Variants in CAT observed in about 807,000 individuals in gnomAD.
The protein encoded by CAT is epididymis secretory sperm binding protein.
In CAT, 43 loss-of-function variants were observed where a neutral mutation model predicts 59.0. That is an observed-to-expected ratio of 0.73 (90% CI 0.57 to 0.94). The LOEUF (loss-of-function observed/expected upper bound fraction) is 0.94, where lower values mean the gene tolerates loss of function less well. CAT is among the 40% of genes least tolerant of loss of function. CAT has a pLI of 0.00. For synonymous variants in CAT, 218 were observed against 230.9 expected (o/e 0.94, Z 0.51); for missense variants, 664 against 682.9 (o/e 0.97, Z 0.31).
chr11:34,440,132 T>G (rs1203286514), intron 1 of CAT, among the ~76,000 whole-genome samples: 2 of 152,216 alleles, frequency 1.3e-5, no homozygotes. Flanking sequence ...GACAGAGGAC[T>G]GCAGCCCTGT....
intron 6 of CAT, 103 bp downstream of exon 6, chr11:34,454,029 T>C: frequency 8.0e-7 from 1 of 1,243,050 alleles, no homozygotes; most frequent in African/African-American, 1.5e-5. Context: ...CACTTTTCCC[T>C]CACCTCCATC....
chr11:34,470,698 TTTCTTGCGCATTTCGGCAGAGGGAC>T, intron 11 of CAT: 1 of 500,540 alleles, frequency 2.0e-6, no homozygotes, highest in Non-Finnish European at 3.7e-6. Flanking sequence ...TAGGTGTCAT[TTTCTTGCGCATTTCGGCAGAGGGAC>T]ATAAGCTCAG....
intron 7 of CAT, 60 bp from the exon 8 acceptor site, chr11:34,456,605 G>A: frequency 4.7e-6 from 7 of 1,487,920 alleles, no homozygotes; most frequent in Non-Finnish European, 5.6e-6. Context: ...TATTTTTGTG[G>A]GTAGCTTTGA....
chr11:34,460,434 G>T (rs1268395488), intron 8 of CAT, among the ~76,000 whole-genome samples: 2 of 150,280 alleles, frequency 1.3e-5, no homozygotes, highest in Non-Finnish European at 3.0e-5. Flanking sequence ...GGCAGCATGG[G>T]AGTGGGCGGT....
chr11:34,454,343 A>G (rs1188776263), intron 6 of CAT, among the ~76,000 whole-genome samples: 1 of 152,222 alleles, frequency 6.6e-6, no homozygotes. Flanking sequence ...GGTTTTGAGA[A>G]TGTTTTAATC....
rs537428135 is a variant in CAT at position 34,468,353 on chromosome 11, C to T, written c.1392C>T (p.Ala464=). The T allele has an allele frequency of 2.2e-5, 35 of 1,613,982 alleles. No individual in the cohort carries two copies. Among genetic ancestry groups the T allele is most frequent in the Non-Finnish European group, 2.5e-5 (29 of 1,179,960 alleles). The change falls in exon 11 of 13, where the codon GCC becomes GCT. Residue 464 remains alanine, a synonymous_variant. Coordinates refer to ENST00000241052, the MANE Select transcript of CAT (RefSeq NM_001752.4). ...EQRKRLCENI[A]GHLKDAQIFI... ...GGAAACGTCTGTGTGAGAACATTGC[C>T]GGCCACCTGAAGGATGCACAAATTT... is the stretch of plus-strand genomic sequence containing the variant.
chr11:34,465,451 C>T (rs17883483), intron 10 of CAT, among the ~76,000 whole-genome samples: 1 of 152,122 alleles, frequency 6.6e-6, no homozygotes, highest in African/African-American at 2.4e-5. Flanking sequence ...ATGCAGATGA[C>T]ACCAAGTATA....
intron 1 of CAT, among the ~76,000 whole-genome samples, chr11:34,441,235 A>G (rs1382080796): frequency 6.6e-6 from 1 of 152,248 alleles, no homozygotes; most frequent in Non-Finnish European, 1.5e-5. Flanking sequence ...TTTAAATGAA[A>G]AATTTCAAAT....
intron 1 of CAT, among the ~76,000 whole-genome samples, chr11:34,440,888 C>G (rs1041762490): frequency 6.6e-6 from 1 of 152,192 alleles, no homozygotes; most frequent in Non-Finnish European, 1.5e-5. Flanking sequence ...CTGAGACTAG[C>G]TGCCTTCTTC....
At chr11:34,461,230 C>G (rs1856646016) in intron 8 of CAT, 21 bp from the exon 9 acceptor site, 1 of 1,613,522 alleles carries the variant, frequency 6.2e-7, no homozygotes, top group Admixed American at 1.7e-5. Context: ...TAGTCAGTGT[C>G]TATTGTATTT....
intron 3 of CAT, among the ~76,000 whole-genome samples, 179 bp downstream of exon 3, chr11:34,451,277 TTG>T (rs1856521287): frequency 6.6e-6 from 1 of 152,260 alleles, no homozygotes; most frequent in Non-Finnish European, 1.5e-5. Context: ...GTATTTCTGT[TTG>T]TTGAGGTCTT....
intron 9 of CAT, among the ~76,000 whole-genome samples, chr11:34,461,648 TAA>T (rs1856653471): frequency 6.6e-6 from 1 of 152,228 alleles, no homozygotes; most frequent in African/African-American, 2.4e-5. Context: ...ATCCAGTAGT[TAA>T]AAGCAGGGAG....
chr11:34,470,815 G>C, intron 11 of CAT, 143 bp from the exon 12 acceptor site: 2 of 772,464 alleles, frequency 2.6e-6, no homozygotes, highest in Admixed American at 3.4e-5. Context: ...TCTGAGGCTG[G>C]CATTGTTAAA....
chr11:34,471,137 C>T, intron 12 of CAT, 96 bp downstream of exon 12: 1 of 1,030,768 alleles, frequency 9.7e-7, no homozygotes, highest in East Asian at 2.4e-5. Context: ...CTGCAGGGGC[C>T]ATTACCTGCC....
rs769046135 is a variant in CAT at position 34,461,407 on chromosome 11, G to A, written c.1195+18G>A. ...CAATCAGGGTAGGCCTAAAGACGTTGGGCTCCCCCTGCGTGGGCAGAGGGC... is the reference window on the plus strand; with the variant it reads ...CAATCAGGGTAGGCCTAAAGACGTTAGGCTCCCCCTGCGTGGGCAGAGGGC... On this transcript the variant is annotated intron_variant, in intron 9 of 12. Coordinates refer to ENST00000241052, the MANE Select transcript of CAT (RefSeq NM_001752.4). 6 of 1,614,088 alleles carry A rather than the reference G, an allele frequency of 3.7e-6. No individual in the cohort carries two copies. In the South Asian group the frequency reaches 6.6e-5, roughly 18 times the overall value.
Position 34,471,452 on chromosome 11 carries a change from G to T in CAT, c.*19G>T. The T allele has an allele frequency of 6.2e-7, 1 of 1,609,760 alleles. No individual in the cohort carries two copies. The highest frequency in any genetic ancestry group is 8.5e-7 in the Non-Finnish European group (1 of 1,176,032). ...TCTGTGAGGCCGGGGCCCTGCACCTGTGCAGCGAAGCTTAGCGTTCATCCG... is the reference window on the plus strand; with the variant it reads ...TCTGTGAGGCCGGGGCCCTGCACCTTTGCAGCGAAGCTTAGCGTTCATCCG... On this transcript the variant is annotated 3_prime_UTR_variant, in exon 13 of 13. Transcript: ENST00000241052.
chr11:34,446,322 G>A lies in CAT; in HGVS notation c.67-2870G>A, dbSNP rs573702125. ...ACAATTGATCTAACTGTTAGAGTGG[G>A]GAAATGGAAGAGATTCTGAAGCCTC... On this transcript the variant is annotated intron_variant, in intron 1 of 12. Transcript: ENST00000241052. Among the ~76,000 whole-genome samples, 8 of 152,238 alleles carry A rather than the reference G, an allele frequency of 5.3e-5. No individual in the cohort carries two copies. The South Asian group carries it at 1.7e-3, about 32-fold the overall frequency.
intron 10 of CAT, among the ~76,000 whole-genome samples, chr11:34,465,469 A>G (rs931648754): frequency 2.0e-5 from 3 of 152,232 alleles, no homozygotes; most frequent in Non-Finnish European, 2.9e-5. Flanking sequence ...ATATTACAGT[A>G]CATTCCCTGC....
chr11:34,444,504 G>C (rs568915122), intron 1 of CAT, among the ~76,000 whole-genome samples: 71 of 152,256 alleles, frequency 4.7e-4, no homozygotes, highest in Middle Eastern at 3.4e-3. Flanking sequence ...TCCTGTACGT[G>C]GGTGTATACG....
Sources: allele counts gnomAD v4.1 joint callset (sites outside exome capture counted in the v4.1 genomes callset), GRCh38; gene constraint gnomAD v4.1.1; transcripts MANE v1.5; gene names NCBI Gene and HGNC (gene_info 2026-07-23, HGNC 2026-07-21).